PLXDC2: variants seen among roughly 807,000 people sequenced by gnomAD.
PLXDC2 encodes plexin domain containing 2, also known as plexin domain-containing protein 2.
PLXDC2 carries 40 observed loss-of-function variants against 68.9 expected under a neutral mutation model. The ratio of observed to expected loss-of-function variants is 0.58; its 90% CI spans 0.45 to 0.76. PLXDC2 has a LOEUF of 0.76. Among genes scored for constraint, PLXDC2 ranks in the 30% least tolerant of loss-of-function variants. The pLI is 0.00. For synonymous variants in PLXDC2, 243 were observed against 234.2 expected (o/e 1.04, Z -0.34); for missense variants, 644 against 661.9 (o/e 0.97, Z 0.30).
intron 12 of PLXDC2, among the ~76,000 whole-genome samples, chr10:20,221,909 AATTT>A (rs1375771011): frequency 6.6e-6 from 1 of 152,176 alleles, no homozygotes; most frequent in African/African-American, 2.4e-5. Flanking sequence ...TTCTTGATTT[AATTT>A]ATTTAATTGG....
intron 1 of PLXDC2, among the ~76,000 whole-genome samples, chr10:19,989,905 A>G (rs1269706713): frequency 6.6e-6 from 1 of 151,872 alleles, no homozygotes; most frequent in East Asian, 1.9e-4. Flanking sequence ...ATTCGCCACC[A>G]TGCCCGGCTA....
chr10:19,892,596 A>T (rs1444808012), intron 1 of PLXDC2, among the ~76,000 whole-genome samples: 2 of 152,196 alleles, frequency 1.3e-5, no homozygotes, highest in Non-Finnish European at 2.9e-5. Context: ...CTTAACTCAG[A>T]TAGTTCCTAT....
Position 20,245,436 on chromosome 10 carries a change from C to T in PLXDC2, c.1404C>T (p.Ala468=), listed in dbSNP as rs752060811. ...IGILILVLIV[A]TAILVTVYMY... is the part of the protein sequence containing the mutation. ...TCCTCATCCTGGTCCTCATTGTAGC[C>T]ACAGCCATTCTTGTGACAGTCTATA... is the stretch of plus-strand genomic sequence containing the variant. The change falls in exon 13 of 14, where the codon GCC becomes GCT. Residue 468 remains alanine (A), a synonymous_variant. Coordinates refer to ENST00000377252, the MANE Select transcript of PLXDC2 (RefSeq NM_032812.9). The T allele has an allele frequency of 6.2e-7, 1 of 1,613,758 alleles. No individual in the cohort carries two copies. The highest frequency in any genetic ancestry group is 8.5e-7 in the Non-Finnish European group (1 of 1,179,938).
chr10:20,161,510 T>C (rs1246562173), intron 6 of PLXDC2, among the ~76,000 whole-genome samples: 1 of 150,984 alleles, frequency 6.6e-6, no homozygotes, highest in Non-Finnish European at 1.5e-5. Flanking sequence ...TTATTGAGCC[T>C]GGAATCTGAG....
chr10:20,111,580 T>C (rs1216448562), intron 4 of PLXDC2, among the ~76,000 whole-genome samples: 1 of 152,216 alleles, frequency 6.6e-6, no homozygotes, highest in Admixed American at 6.5e-5. Flanking sequence ...AAATGTTTGT[T>C]TTCTCAATAA....
intron 1 of PLXDC2, among the ~76,000 whole-genome samples, chr10:19,992,340 T>C (rs1427730515): frequency 6.6e-6 from 1 of 152,200 alleles, no homozygotes; most frequent in African/African-American, 2.4e-5. Flanking sequence ...TATGATGCAA[T>C]GTTCTTTGTG....
intron 13 of PLXDC2, among the ~76,000 whole-genome samples, chr10:20,268,442 G>A (rs746354190): frequency 2.0e-5 from 3 of 152,116 alleles, no homozygotes; most frequent in Non-Finnish European, 4.4e-5. Context: ...ATATATGTAA[G>A]TGTGGTTTTG....
intron 1 of PLXDC2, among the ~76,000 whole-genome samples, chr10:19,966,671 C>T (rs978655932): frequency 1.3e-5 from 2 of 152,102 alleles, no homozygotes; most frequent in Non-Finnish European, 1.5e-5. Flanking sequence ...CCTTTTCCTT[C>T]CCTTCACCTT....
rs180951374 is a variant in PLXDC2 at position 19,934,449 on chromosome 10, C to A, written c.113-67326C>A. On this transcript the variant is annotated intron_variant, in intron 1 of 13. Coordinates refer to ENST00000377252, the MANE Select transcript of PLXDC2 (RefSeq NM_032812.9). ...CAATAGAACAACAAGAGAGATGCCA[C>A]CTTCTGCATAAGGTTGATAGTTTCA... 3.5e-3 allele frequency among the ~76,000 whole-genome samples: 540 copies of A among 152,296 alleles called. 2 individuals carry two copies. The highest frequency in any genetic ancestry group is 0.012 in the African/African-American group (510 of 41,556).
intron 1 of PLXDC2, among the ~76,000 whole-genome samples, chr10:19,985,344 G>T (rs948337281): frequency 1.3e-5 from 2 of 152,148 alleles, no homozygotes; most frequent in Non-Finnish European, 2.9e-5. Context: ...AACAAATCAG[G>T]TTATTTTTGC....
rs527740757 is a variant in PLXDC2 at position 20,288,451 on chromosome 10, G to A, written c.*8632G>A. 2 of 152,028 alleles carry A rather than the reference G, an allele frequency of 1.3e-5. No individual in the cohort carries two copies. The highest frequency in any genetic ancestry group is 4.2e-4 in the South Asian group (2 of 4,792). 9.4% of individuals were successfully genotyped at this position (152,028 alleles called of 1,614,324 possible). A position where few individuals can be genotyped will look rare whatever the true frequency, so the allele number is the denominator to read the frequency against. ...GTGACCTTCTGTTGAACGTACCTGA[G>A]CCTGCAAATGTAAAAATGATTGTAT... On this transcript the variant is annotated 3_prime_UTR_variant, in exon 14 of 14. Transcript: ENST00000377252.
At chr10:19,863,174 G>A (rs1428569405) in intron 1 of PLXDC2, among the ~76,000 whole-genome samples, 2 of 152,166 alleles carry the variant, frequency 1.3e-5, no homozygotes, top group East Asian at 3.8e-4. Flanking sequence ...CTAAGGATGT[G>A]AATATTGTGC....
intron 7 of PLXDC2, among the ~76,000 whole-genome samples, chr10:20,168,475 A>G (rs1456178719): frequency 6.6e-6 from 1 of 152,198 alleles, no homozygotes; most frequent in East Asian, 1.9e-4. Flanking sequence ...GATTCCCACT[A>G]AGAAACACAG....
At chr10:19,939,664 T>C (rs1418305493) in intron 1 of PLXDC2, among the ~76,000 whole-genome samples, 1 of 152,112 alleles carries the variant, frequency 6.6e-6, no homozygotes, top group East Asian at 1.9e-4. Flanking sequence ...TTTGGAAAAA[T>C]GTCATGTGAT....
chr10:20,141,285 AT>A (rs1274627247), intron 4 of PLXDC2, among the ~76,000 whole-genome samples: 2 of 147,632 alleles, frequency 1.4e-5, no homozygotes, highest in African/African-American at 4.9e-5. Context: ...CATATATCTT[AT>A]TTACTTAAAT....
intron 4 of PLXDC2, among the ~76,000 whole-genome samples, chr10:20,094,835 G>A (rs146404229): frequency 6.3e-4 from 96 of 152,188 alleles, no homozygotes; most frequent in African/African-American, 2.3e-3. Flanking sequence ...TCATGCTAAC[G>A]AACTGCAAGA....
chr10:19,977,678 G>T (rs565750567), intron 1 of PLXDC2, among the ~76,000 whole-genome samples: 1 of 152,178 alleles, frequency 6.6e-6, no homozygotes, highest in East Asian at 1.9e-4. Flanking sequence ...TTGATGTCTG[G>T]TGAGGACTCT....
chr10:19,901,587 G>A (rs578217018), intron 1 of PLXDC2, among the ~76,000 whole-genome samples: 26 of 152,008 alleles, frequency 1.7e-4, no homozygotes, highest in Admixed American at 9.2e-4. Context: ...ATCCTTTGTC[G>A]GATGTATAGA....
rs182721616 is a variant in PLXDC2 at position 19,981,692 on chromosome 10, A to C, written c.113-20083A>C. On this transcript the variant is annotated intron_variant, in intron 1 of 13. Transcript: ENST00000377252. Reference sequence around the variant, plus strand: ...ACAATCTTATTTTTTAGTGGTGGCTAATTCAGCATGCGCCTTTTTGTTAGG... The same window carrying C: ...ACAATCTTATTTTTTAGTGGTGGCTCATTCAGCATGCGCCTTTTTGTTAGG... 3.2e-4 allele frequency among the ~76,000 whole-genome samples: 49 copies of C among 152,336 alleles called. 1 individual carries two copies. Among genetic ancestry groups the C allele is most frequent in the African/African-American group, 1.1e-3 (47 of 41,584 alleles).
Sources: gnomAD v4.1 joint callset for allele counts (sites outside exome capture counted in the v4.1 genomes callset) on GRCh38, gnomAD v4.1.1 for gene constraint, MANE v1.5 for transcripts, NCBI Gene and HGNC (gene_info 2026-07-23, HGNC 2026-07-21) for gene names.